Variants in XKR6 observed in about 807,000 individuals in gnomAD.
XKR6 encodes the protein XK-related protein 6.
In XKR6, 22 loss-of-function variants were observed where a neutral mutation model predicts 56.7. The ratio of observed to expected loss-of-function variants is 0.39; its 90% CI spans 0.28 to 0.55. XKR6 has a LOEUF of 0.55. Ranked by LOEUF, XKR6 falls within the 20% of genes least tolerant of loss-of-function variation. The probability of loss-of-function intolerance (pLI) is 0.66; values close to 1 mark genes in which losing one functional copy is unlikely to be tolerated. For missense variants in XKR6, 852 were observed against 889.0 expected, an observed-to-expected ratio of 0.96 and a Z score of 0.53; for synonymous variants, 524 against 387.8, an observed-to-expected ratio of 1.35 and a Z score of -4.13.
chr8:11,014,730 G>C (rs1422681525), intron 1 of XKR6, among the ~76,000 whole-genome samples: 2 of 152,158 alleles, frequency 1.3e-5, no homozygotes, highest in African/African-American at 4.8e-5. Context: ...TTAGTCATAA[G>C]ACCCAGAAGA....
chr8:11,137,811 G>A (rs1335185808), intron 1 of XKR6: 2 of 397,974 alleles, frequency 5.0e-6, no homozygotes, highest in Admixed American at 6.3e-5. Flanking sequence ...TTTCTGAACT[G>A]CACCGCAACT....
At chr8:11,101,414 T>C (rs1282875104) in intron 1 of XKR6, among the ~76,000 whole-genome samples, 2 of 152,214 alleles carry the variant, frequency 1.3e-5, no homozygotes, top group East Asian at 3.8e-4. Context: ...AATGGAGTAT[T>C]AGCAGCAGTG....
chr8:11,124,808 G>C (rs1799676255), intron 1 of XKR6: 1 of 152,170 alleles, frequency 6.6e-6, no homozygotes, highest in South Asian at 2.1e-4. Context: ...ATGCTGGGCT[G>C]GCGCAGGGGC....
chr8:11,186,674 C>T (rs1803292285), intron 1 of XKR6, among the ~76,000 whole-genome samples: 1 of 152,302 alleles, frequency 6.6e-6, no homozygotes, highest in Non-Finnish European at 1.5e-5. Context: ...GACACCACGC[C>T]TGGCCCAAGC....
Position 11,043,236 on chromosome 8 carries a change from G to T in XKR6, c.765-118406C>A, listed in dbSNP as rs1310988263. On this transcript the variant is annotated intron_variant, in intron 1 of 2. Coordinates refer to ENST00000416569, the MANE Select transcript of XKR6 (RefSeq NM_173683.4). Reference sequence around the variant, plus strand: ...AAGAGGAAGAGAAAAAAAAAAAGATGAACACTCTTAGCGTGAGCACTCAAA... The same window carrying T: ...AAGAGGAAGAGAAAAAAAAAAAGATTAACACTCTTAGCGTGAGCACTCAAA... Among the ~76,000 whole-genome samples the T allele has an allele frequency of 2.0e-5, 3 of 151,934 alleles. 1 individual carries two copies. Among genetic ancestry groups the T allele is most frequent in the Non-Finnish European group, 2.9e-5 (2 of 67,962 alleles).
rs76820664 is a variant in XKR6, at chr8:10,984,931, T to G, written c.765-60101A>C. Among the ~76,000 whole-genome samples, 3 of 150,934 alleles carry G rather than the reference T, an allele frequency of 2.0e-5. No homozygotes were observed. In the East Asian group the frequency reaches 5.8e-4, roughly 29 times the overall value. The stretch of plus-strand genomic sequence containing the variant: ...CCAATAAAAACCAATGGATTGTGGG[T>G]TTTTGTTGTGGTTTTTTGTTTTTTT... On this transcript the variant is annotated intron_variant, in intron 1 of 2. Coordinates refer to ENST00000416569, the MANE Select transcript of XKR6 (RefSeq NM_173683.4).
intron 2 of XKR6, among the ~76,000 whole-genome samples, chr8:10,912,150 A>C (rs1171030013): frequency 6.8e-6 from 1 of 148,014 alleles, no homozygotes; most frequent in Non-Finnish European, 1.5e-5. Context: ...GTATATATAG[A>C]GAGAGTATAT....
chr8:11,058,541 C>G (rs745717477), intron 1 of XKR6, among the ~76,000 whole-genome samples: 1 of 152,206 alleles, frequency 6.6e-6, no homozygotes, highest in Non-Finnish European at 1.5e-5. Flanking sequence ...TTTGCAGGAA[C>G]ATGAATGAAG....
intron 1 of XKR6, among the ~76,000 whole-genome samples, chr8:11,036,908 C>T (rs1799159454): frequency 6.6e-6 from 1 of 152,234 alleles, no homozygotes; most frequent in African/African-American, 2.4e-5. Flanking sequence ...CTAGGCAGTG[C>T]ACACTGGCTT....
intron 1 of XKR6, among the ~76,000 whole-genome samples, chr8:11,018,975 A>G (rs1344541052): frequency 6.6e-6 from 1 of 151,982 alleles, no homozygotes; most frequent in African/African-American, 2.4e-5. Flanking sequence ...GGGCCACCCT[A>G]GCTCCGTGTT....
At chr8:11,172,667 G>A (rs931791184) in intron 1 of XKR6, among the ~76,000 whole-genome samples, 5 of 152,098 alleles carry the variant, frequency 3.3e-5, no homozygotes, top group Admixed American at 2.0e-4. Context: ...AGAAAGGAGG[G>A]TTTTTCTTTA....
intron 1 of XKR6, among the ~76,000 whole-genome samples, chr8:11,190,592 A>G (rs532416418): frequency 6.6e-6 from 1 of 152,228 alleles, no homozygotes; most frequent in Non-Finnish European, 1.5e-5. Flanking sequence ...AAGACTTACA[A>G]GCCTACCCTA....
chr8:10,942,741 C>G (rs544286927), intron 1 of XKR6, among the ~76,000 whole-genome samples: 2 of 152,246 alleles, frequency 1.3e-5, no homozygotes, highest in Non-Finnish European at 2.9e-5. Context: ...GATGCCCCAA[C>G]TTGCCAATCA....
At chr8:11,079,546 G>A (rs574044056) in intron 1 of XKR6, among the ~76,000 whole-genome samples, 3 of 152,324 alleles carry the variant, frequency 2.0e-5, no homozygotes, top group Non-Finnish European at 4.4e-5. Context: ...AGTAGCTGTC[G>A]CCTCTGGAAG....
intron 1 of XKR6, among the ~76,000 whole-genome samples, chr8:11,114,946 C>A (rs1158388122): frequency 6.6e-6 from 1 of 152,112 alleles, no homozygotes; most frequent in Non-Finnish European, 1.5e-5. Context: ...TCAACAAATA[C>A]CGAATGTTTC....
At chr8:11,180,256 G>A (rs1348547157) in intron 1 of XKR6, among the ~76,000 whole-genome samples, 2 of 152,252 alleles carry the variant, frequency 1.3e-5, no homozygotes, top group African/African-American at 2.4e-5. Flanking sequence ...AGCTTTCACA[G>A]AAGAGGTAAC....
intron 1 of XKR6, among the ~76,000 whole-genome samples, chr8:11,149,578 G>A (rs1801166360): frequency 6.6e-6 from 1 of 151,226 alleles, no homozygotes; most frequent in Non-Finnish European, 1.5e-5. Context: ...AAGCTAATGA[G>A]ATGAAAATAT....
chr8:10,907,794 A>C (rs1375375934), intron 2 of XKR6, among the ~76,000 whole-genome samples: 1 of 152,154 alleles, frequency 6.6e-6, no homozygotes, highest in Non-Finnish European at 1.5e-5. Flanking sequence ...ACAAAGTCAA[A>C]TTTGTGGGTC....
At chr8:11,097,483 T>TAA (rs35577450) in intron 1 of XKR6, among the ~76,000 whole-genome samples, 1 of 85,644 alleles carries the variant, frequency 1.2e-5, no homozygotes, top group African/African-American at 3.3e-5. Flanking sequence ...TTTTTTTTTT[T>TAA]AAAAAAAAAA....
Sources: allele counts gnomAD v4.1 joint callset (sites outside exome capture counted in the v4.1 genomes callset), GRCh38; gene constraint gnomAD v4.1.1; transcripts MANE v1.5; gene names NCBI Gene and HGNC (gene_info 2026-07-23, HGNC 2026-07-21).